The following GRIK2 variants were observed in gnomAD, a reference collection of about 807,000 sequenced individuals.
The protein encoded by GRIK2 is glutamate ionotropic receptor kainate type subunit 2.
Under a neutral mutation model 100.3 loss-of-function variants are expected in GRIK2, and 32 were observed. The ratio of observed to expected loss-of-function variants is 0.32; its 90% CI spans 0.24 to 0.43. The LOEUF (loss-of-function observed/expected upper bound fraction) is 0.43, where lower values mean the gene tolerates loss of function less well. Among genes scored for constraint, GRIK2 ranks in the 20% least tolerant of loss-of-function variants. GRIK2 has a pLI of 1.00. For synonymous variants in GRIK2, 417 were observed against 389.4 expected, an observed-to-expected ratio of 1.07 and a Z score of -0.83; for missense variants, 843 against 1,114.9, an observed-to-expected ratio of 0.76 and a Z score of 3.47.
chr6:101,493,959 T>C (rs999597218), intron 2 of GRIK2, among the ~76,000 whole-genome samples: 9 of 139,818 alleles, frequency 6.4e-5, no homozygotes, highest in Non-Finnish European at 9.4e-5. Context: ...ATAATATATA[T>C]ATTTTATATA....
At chr6:101,947,415 G>T (rs1293966945) in intron 14 of GRIK2, among the ~76,000 whole-genome samples, 1 of 152,056 alleles carries the variant, frequency 6.6e-6, no homozygotes, top group Non-Finnish European at 1.5e-5. Context: ...TTAAATGTTG[G>T]AATATCATTA....
chr6:101,650,396 T>G (rs1781729002), intron 4 of GRIK2, among the ~76,000 whole-genome samples: 1 of 152,050 alleles, frequency 6.6e-6, no homozygotes, highest in South Asian at 2.1e-4. Context: ...AAGATCAACT[T>G]TAACCACCTC....
chr6:101,491,187 AAAG>A (rs1582565300), intron 2 of GRIK2, among the ~76,000 whole-genome samples: 1 of 152,006 alleles, frequency 6.6e-6, no homozygotes, highest in African/African-American at 2.4e-5. Flanking sequence ...TGAATGAGGA[AAAG>A]AAGAAGTAAA....
chr6:101,661,916 T>C lies in GRIK2; in HGVS notation c.542-14707T>C, dbSNP rs528179237. Among the ~76,000 whole-genome samples the C allele has an allele frequency of 1.4e-4, 21 of 152,310 alleles. 1 individual carries two copies. The highest frequency in any genetic ancestry group is 5.1e-4 in the African/African-American group (21 of 41,582). ...GACCGGAGCTGTTCCTATTCGGCCATCTTCCCAGTTACCAAAGTGATCTTA... is the reference window on the plus strand; with the variant it reads ...GACCGGAGCTGTTCCTATTCGGCCACCTTCCCAGTTACCAAAGTGATCTTA... On this transcript the variant is annotated intron_variant, in intron 4 of 16. Coordinates refer to ENST00000369134, the MANE Select transcript of GRIK2 (RefSeq NM_021956.5).
At chr6:101,732,921 T>C (rs1260064883) in intron 7 of GRIK2, among the ~76,000 whole-genome samples, 1 of 152,088 alleles carries the variant, frequency 6.6e-6, no homozygotes, top group East Asian at 1.9e-4. Context: ...GCAAGGTCTC[T>C]AGAATTGCCT....
rs140906111 is a variant in GRIK2 at position 101,561,112 on chromosome 6, T to C, written c.116-60837T>C. Among the ~76,000 whole-genome samples, 50 of 152,328 alleles carry C rather than the reference T, an allele frequency of 3.3e-4. 1 individual carries two copies. The highest frequency in any genetic ancestry group is 5.7e-4 in the Non-Finnish European group (39 of 68,026). On this transcript the variant is annotated intron_variant, in intron 2 of 16. Transcript: ENST00000369134. ...TCATATGAAGTTTCAATATATTTAG[T>C]GTATTCTTTTGTTAAAGAATATAAA...
chr6:102,002,089 A>T lies in GRIK2; in HGVS notation c.2086-33252A>T, dbSNP rs542276095. ...TTCAGGTTTTGTCTAAGCCATTTAA[A>T]AGTTTTAAAGCTTTCTTCTTTATTC... is the stretch of plus-strand genomic sequence containing the variant. On this transcript the variant is annotated intron_variant, in intron 14 of 16. Coordinates refer to ENST00000369134, the MANE Select transcript of GRIK2 (RefSeq NM_021956.5). Among the ~76,000 whole-genome samples, 50 of 151,430 alleles carry T rather than the reference A, an allele frequency of 3.3e-4. 1 individual carries two copies. The highest frequency in any genetic ancestry group is 1.1e-3 in the African/African-American group (47 of 41,486).
chr6:101,638,707 T>C (rs138878214), intron 4 of GRIK2, among the ~76,000 whole-genome samples: 4 of 146,590 alleles, frequency 2.7e-5, no homozygotes, highest in African/African-American at 9.7e-5. Context: ...TGTAGATCTG[T>C]AGATATATGA....
At chr6:101,626,048 T>C (rs1780420422) in intron 3 of GRIK2, among the ~76,000 whole-genome samples, 1 of 152,052 alleles carries the variant, frequency 6.6e-6, no homozygotes, top group African/African-American at 2.4e-5. Context: ...TATTCCCTCA[T>C]TCCCCTCATA....
intron 7 of GRIK2, among the ~76,000 whole-genome samples, chr6:101,737,114 A>G (rs1424101504): frequency 6.6e-6 from 1 of 151,922 alleles, no homozygotes; most frequent in Non-Finnish European, 1.5e-5. Context: ...CATTGTCCAT[A>G]TCATTATCAG....
At chr6:101,559,771 G>A (rs1041249104) in intron 2 of GRIK2, among the ~76,000 whole-genome samples, 2 of 151,970 alleles carry the variant, frequency 1.3e-5, no homozygotes, top group African/African-American at 2.4e-5. Flanking sequence ...TGATTTAGCT[G>A]TCACACACAC....
At chr6:101,766,892 GTC>G (rs1562369830) in intron 7 of GRIK2, among the ~76,000 whole-genome samples, 1 of 152,178 alleles carries the variant, frequency 6.6e-6, no homozygotes, top group Non-Finnish European at 1.5e-5. Flanking sequence ...AATTGTTTAT[GTC>G]TCCTGACACA....
At chr6:102,028,555 T>C (rs991501997) in intron 14 of GRIK2, among the ~76,000 whole-genome samples, 5 of 151,242 alleles carry the variant, frequency 3.3e-5, no homozygotes, top group African/African-American at 4.8e-5. Context: ...ATAAGTTTAG[T>C]GGGAAAATAA....
intron 2 of GRIK2, among the ~76,000 whole-genome samples, chr6:101,565,042 T>G (rs552374415): frequency 9.9e-5 from 15 of 152,178 alleles, no homozygotes; most frequent in African/African-American, 3.6e-4. Context: ...TTTTAAGATT[T>G]AGGAGGAATA....
chr6:102,046,282 AT>A (rs1165868040), intron 15 of GRIK2, among the ~76,000 whole-genome samples: 7 of 152,106 alleles, frequency 4.6e-5, no homozygotes, highest in Non-Finnish European at 1.0e-4. Context: ...CAGACAGCAA[AT>A]TAACAAGAAA....
At chr6:101,988,154 C>T (rs1235064350) in intron 14 of GRIK2, among the ~76,000 whole-genome samples, 234 of 8,212 alleles carry the variant, frequency 0.028, 2 homozygotes, top group Middle Eastern at 0.11. Flanking sequence ...CGCGCGCGCG[C>T]GTGCGCGCAC....
chr6:101,705,352 T>C (rs1454457020), intron 7 of GRIK2, among the ~76,000 whole-genome samples: 6 of 151,658 alleles, frequency 4.0e-5, no homozygotes, highest in Non-Finnish European at 8.8e-5. Context: ...GTGAAACATG[T>C]ATAAAGTTCT....
At chr6:101,574,416 C>T (rs981604610) in intron 2 of GRIK2, among the ~76,000 whole-genome samples, 1 of 148,106 alleles carries the variant, frequency 6.8e-6, no homozygotes, top group Non-Finnish European at 1.5e-5. Context: ...ATTTATACAA[C>T]AGTTATGTAT....
chr6:101,983,930 T>A (rs1386685666), intron 14 of GRIK2, among the ~76,000 whole-genome samples: 1 of 151,638 alleles, frequency 6.6e-6, no homozygotes. Context: ...ATTTTGGAAA[T>A]ATGTTTGCTT....
Sources: allele counts gnomAD v4.1 joint callset (sites outside exome capture counted in the v4.1 genomes callset), GRCh38; gene constraint gnomAD v4.1.1; transcripts MANE v1.5; gene names NCBI Gene and HGNC (gene_info 2026-07-23, HGNC 2026-07-21).